Variants in C12orf42 observed in about 807,000 individuals in gnomAD.
C12orf42 encodes chromosome 12 open reading frame 42.
A neutral mutation model predicts 21.6 loss-of-function variants in C12orf42; 25 were observed. The ratio of observed to expected loss-of-function variants is 1.16; its 90% confidence interval spans 0.84 to 1.62. C12orf42 has a LOEUF of 1.62. Among genes scored for constraint, C12orf42 ranks in the 40% most tolerant of loss-of-function variants. The pLI, the probability that C12orf42 is intolerant of heterozygous loss-of-function variation, is 0.00. For missense variants in C12orf42, 483 were observed against 459.3 expected, an observed-to-expected ratio of 1.05 and a Z score of -0.47; for synonymous variants, 174 against 175.0, an observed-to-expected ratio of 0.99 and a Z score of 0.05.
chr12:103,403,356 A>T lies in C12orf42; in HGVS notation c.79-1681T>A, dbSNP rs1216236833. Among the ~76,000 whole-genome samples, 6 of 151,092 alleles carry T rather than the reference A, an allele frequency of 4.0e-5. No individual in the cohort carries two copies. The East Asian group carries it at 1.2e-3, about 30-fold the overall frequency. ...GCCCCACTACACTCCAGCCTGGGCA[A>T]CAGAGCGAGACTCCGTCTCAAAAAA... On this transcript the variant is annotated intron_variant, in intron 2 of 5. Transcript: ENST00000548883.
chr12:103,090,278 G>A, the C12orf42 span, among the ~76,000 whole-genome samples: 1 of 152,222 alleles, frequency 6.6e-6, no homozygotes, highest in African/African-American at 2.4e-5. Flanking sequence ...GGAAGTGAAT[G>A]GCTATGGCAC....
chr12:103,468,355 C>T (rs139480772), intron 2 of C12orf42, among the ~76,000 whole-genome samples: 31 of 152,308 alleles, frequency 2.0e-4, no homozygotes, highest in African/African-American at 7.0e-4. Context: ...GTAACCTGTG[C>T]ATGGTTTCTT....
chr12:103,485,662 T>G (rs916835889), intron 1 of C12orf42, among the ~76,000 whole-genome samples: 2 of 152,242 alleles, frequency 1.3e-5, no homozygotes, highest in African/African-American at 4.8e-5. Context: ...CAGTGGTTTG[T>G]AGTTCTCCTC....
At chr12:103,184,379 T>C in the C12orf42 span, among the ~76,000 whole-genome samples, 2 of 152,210 alleles carry the variant, frequency 1.3e-5, no homozygotes, top group Admixed American at 1.3e-4. Flanking sequence ...ATTTTGTAAA[T>C]TAATGTTTTC....
chr12:103,315,595 G>A (rs1404177271), intron 4 of C12orf42, among the ~76,000 whole-genome samples: 1 of 152,098 alleles, frequency 6.6e-6, no homozygotes, highest in Admixed American at 6.6e-5. Flanking sequence ...ATACATAATT[G>A]TAATACATGA....
chr12:103,171,383 T>C, the C12orf42 span, among the ~76,000 whole-genome samples: 3 of 152,128 alleles, frequency 2.0e-5, no homozygotes, highest in Non-Finnish European at 2.9e-5. Context: ...ATTTGTTGAA[T>C]AAAAGACTGG....
At chr12:103,176,081 C>T in the C12orf42 span, among the ~76,000 whole-genome samples, 11 of 151,976 alleles carry the variant, frequency 7.2e-5, no homozygotes, top group South Asian at 8.3e-4. Context: ...TGCTTCTTCC[C>T]GCCATGCCAT....
the C12orf42 span, among the ~76,000 whole-genome samples, chr12:103,206,574 C>T: frequency 6.6e-6 from 1 of 151,970 alleles, no homozygotes; most frequent in African/African-American, 2.4e-5. Context: ...TCATTCCTCA[C>T]AGAGAAACTA....
chr12:103,267,351 G>A (rs1227823004), downstream of C12orf42, among the ~76,000 whole-genome samples: 1 of 152,014 alleles, frequency 6.6e-6, no homozygotes, highest in South Asian at 2.1e-4. Flanking sequence ...CTCAGTGTAG[G>A]CCAGGCACTA....
chr12:103,102,961 C>A, the C12orf42 span, among the ~76,000 whole-genome samples: 1 of 152,136 alleles, frequency 6.6e-6, no homozygotes, highest in African/African-American at 2.4e-5. Flanking sequence ...CTCTAGAAGT[C>A]ACCTATTATT....
At chr12:103,317,914 C>T (rs766623600) in intron 4 of C12orf42, among the ~76,000 whole-genome samples, 11 of 152,118 alleles carry the variant, frequency 7.2e-5, no homozygotes, top group African/African-American at 9.7e-5. Flanking sequence ...CCAGACCCAC[C>T]CAATTTCATT....
At chr12:103,450,784 G>T (rs1168810830) in intron 2 of C12orf42, among the ~76,000 whole-genome samples, 2 of 152,040 alleles carry the variant, frequency 1.3e-5, no homozygotes, top group Non-Finnish European at 2.9e-5. Context: ...CACAGCCTAG[G>T]TTTCTTGAAA....
At chr12:103,094,799 TG>T in the C12orf42 span, among the ~76,000 whole-genome samples, 2 of 152,170 alleles carry the variant, frequency 1.3e-5, no homozygotes, top group African/African-American at 4.8e-5. Flanking sequence ...GTTTGTGTCA[TG>T]TGTCCGGTTG....
At chr12:103,437,966 T>G (rs1320309848) in intron 2 of C12orf42, among the ~76,000 whole-genome samples, 1 of 150,180 alleles carries the variant, frequency 6.7e-6, no homozygotes, top group East Asian at 2.0e-4. Context: ...AAGAGAATTT[T>G]AGACCAATAT....
chr12:103,430,107 C>T (rs1013140527), intron 2 of C12orf42, among the ~76,000 whole-genome samples: 1 of 152,006 alleles, frequency 6.6e-6, no homozygotes, highest in African/African-American at 2.4e-5. Flanking sequence ...GCAACAAAAG[C>T]CAATGGGATC....
chr12:103,238,186 T>C (rs2033544484), intron 10 of C12orf42, among the ~76,000 whole-genome samples: 1 of 152,152 alleles, frequency 6.6e-6, no homozygotes, highest in African/African-American at 2.4e-5. Flanking sequence ...TGGCCATGGC[T>C]TGATTTTGTA....
rs141788496 is a variant in C12orf42 at position 103,381,807 on chromosome 12, C to G, written c.148-12809G>C. 9.0e-3 allele frequency among the ~76,000 whole-genome samples: 1,367 copies of G among 152,160 alleles called. 103 individuals are homozygous for G. The East Asian group carries it at 0.18, about 20-fold the overall frequency. On this transcript the variant is annotated intron_variant, in intron 3 of 5. Transcript: ENST00000548883. ...TGGTGGGTGCTTTTAGTCCCAGCTA[C>G]TCGGGAGGCTGAGGCAGGAGAATGG...
intron 2 of C12orf42, among the ~76,000 whole-genome samples, chr12:103,477,344 G>A (rs1954134035): frequency 6.6e-6 from 1 of 152,160 alleles, no homozygotes; most frequent in Non-Finnish European, 1.5e-5. Context: ...AGAAGAGTAA[G>A]TGAGCACCAA....
At chr12:103,484,650 C>T (rs536441351) in intron 1 of C12orf42, among the ~76,000 whole-genome samples, 2 of 152,172 alleles carry the variant, frequency 1.3e-5, no homozygotes, top group East Asian at 3.9e-4. Flanking sequence ...TGTGCAGAAG[C>T]TCTTTAGTTT....
Sources: gnomAD v4.1 joint callset for allele counts (sites outside exome capture counted in the v4.1 genomes callset) on GRCh38, gnomAD v4.1.1 for gene constraint, MANE v1.5 for transcripts, NCBI Gene and HGNC (gene_info 2026-07-23, HGNC 2026-07-21) for gene names.